The following DCAF10 variants were observed in gnomAD, a reference collection of about 807,000 sequenced individuals.
The protein encoded by DCAF10 is DDB1- and CUL4-associated factor 10.
Under a neutral mutation model 51.9 loss-of-function variants are expected in DCAF10, and 19 were observed. That is an observed-to-expected ratio of 0.37 (90% CI 0.26 to 0.54). The LOEUF (loss-of-function observed/expected upper bound fraction) is 0.54, where lower values mean the gene tolerates loss of function less well. DCAF10 is among the 20% of genes least tolerant of loss of function. The pLI is 0.87. For synonymous variants in DCAF10, 291 were observed against 297.1 expected, an observed-to-expected ratio of 0.98 and a Z score of 0.21; for missense variants, 510 against 730.6, an observed-to-expected ratio of 0.70 and a Z score of 3.48.
chr9:37,823,188 A>G (rs1289878042), intron 2 of DCAF10, among the ~76,000 whole-genome samples: 2 of 152,180 alleles, frequency 1.3e-5, no homozygotes, highest in Admixed American at 6.5e-5. Flanking sequence ...ATATTGGTAG[A>G]AAACTAAATT....
intron 3 of DCAF10, among the ~76,000 whole-genome samples, chr9:37,845,438 C>G (rs1830447039): frequency 6.6e-6 from 1 of 151,896 alleles, no homozygotes; most frequent in African/African-American, 2.4e-5. Context: ...GAGCTTTATC[C>G]CTATATACTT....
At position 37,849,247 on chromosome 9, in the gene DCAF10, A is replaced by G. The variant is rs78636807; in HGVS notation, c.852-5533A>G. On this transcript the variant is annotated intron_variant, in intron 3 of 6. Coordinates refer to ENST00000377724, the MANE Select transcript of DCAF10 (RefSeq NM_024345.5). ...GCGGGGGAGGGTACTAGTTGGTGCA[A>G]TAAAAGAAGGAAGAAAACAATTATA... Among the ~76,000 whole-genome samples, 1,123 of 152,264 alleles carry G rather than the reference A, an allele frequency of 7.4e-3. 18 individuals are homozygous for G. Among genetic ancestry groups the G allele is most frequent in the African/African-American group, 0.026 (1,070 of 41,540 alleles).
At chr9:37,839,048 A>AT (rs374481907) in intron 2 of DCAF10, among the ~76,000 whole-genome samples, 5,755 of 148,232 alleles carry the variant, frequency 0.039, 365 homozygotes, top group African/African-American at 0.13. Context: ...TTGGTGATGG[A>AT]TTTTTTTTTT....
intron 5 of DCAF10, 141 bp from the exon 6 acceptor site, chr9:37,859,907 C>A: frequency 2.0e-6 from 2 of 978,498 alleles, no homozygotes; most frequent in Non-Finnish European, 3.0e-6. Flanking sequence ...GGGAGTACCA[C>A]GCTCTTTAAC....
chr9:37,800,761 G>A, upstream of DCAF10: 2 of 1,531,878 alleles, frequency 1.3e-6, no homozygotes, highest in East Asian at 4.9e-5. Context: ...CGGGTTTCCA[G>A]CCGGTGGGGT....
chr9:37,852,736 C>G lies in DCAF10; in HGVS notation c.852-2044C>G, dbSNP rs150982131. On this transcript the variant is annotated intron_variant, in intron 3 of 6. Coordinates refer to ENST00000377724, the MANE Select transcript of DCAF10 (RefSeq NM_024345.5). ...ACCAGCCTGGCCAACATGGTGAAACCCCGTCTCTACTAAAAATGTGAAAAA... is the reference window on the plus strand; with the variant it reads ...ACCAGCCTGGCCAACATGGTGAAACGCCGTCTCTACTAAAAATGTGAAAAA... Among the ~76,000 whole-genome samples, 670 of 152,044 alleles carry G rather than the reference C, an allele frequency of 4.4e-3. 24 individuals carry two copies. In the South Asian group the frequency reaches 0.071, roughly 16 times the overall value.
At chr9:37,859,057 A>G (rs1473961081) in intron 5 of DCAF10, among the ~76,000 whole-genome samples, 1 of 152,244 alleles carries the variant, frequency 6.6e-6, no homozygotes, top group Non-Finnish European at 1.5e-5. Flanking sequence ...AAATAAGAGT[A>G]TATTTTTCTC....
chr9:37,841,857 T>C (rs543177401), intron 2 of DCAF10, among the ~76,000 whole-genome samples: 1 of 152,322 alleles, frequency 6.6e-6, no homozygotes, highest in Non-Finnish European at 1.5e-5. Context: ...ATCAGTAATT[T>C]AAAGCAAATG....
At chr9:37,828,254 A>G (rs756674819) in intron 2 of DCAF10, among the ~76,000 whole-genome samples, 8 of 152,112 alleles carry the variant, frequency 5.3e-5, no homozygotes, top group Admixed American at 3.9e-4. Flanking sequence ...TCACACTACC[A>G]TATAGTTCAA....
intron 2 of DCAF10, among the ~76,000 whole-genome samples, chr9:37,831,215 TC>T (rs140102548): frequency 0.013 from 1,925 of 148,100 alleles, 41 homozygotes; most frequent in African/African-American, 0.044. Flanking sequence ...AGACTCTGTC[TC>T]AAAAAAAAAG....
At chr9:37,848,394 G>A (rs940136517) in intron 3 of DCAF10, among the ~76,000 whole-genome samples, 1 of 152,128 alleles carries the variant, frequency 6.6e-6, no homozygotes, top group East Asian at 1.9e-4. Flanking sequence ...CAATGAAAAC[G>A]AACAAATAAT....
chr9:37,826,824 T>C, intron 2 of DCAF10, among the ~76,000 whole-genome samples: 1 of 134,444 alleles, frequency 7.4e-6, no homozygotes, highest in South Asian at 2.2e-4. Flanking sequence ...CAATACCTTT[T>C]TTTTTTTTTT....
At chr9:37,830,931 T>G (rs546388321) in intron 2 of DCAF10, among the ~76,000 whole-genome samples, 4 of 152,202 alleles carry the variant, frequency 2.6e-5, no homozygotes, top group African/African-American at 4.8e-5. Flanking sequence ...ATACATAACT[T>G]AAGAGTTTTG....
intron 1 of DCAF10, among the ~76,000 whole-genome samples, chr9:37,817,673 G>A (rs939390766): frequency 6.6e-6 from 1 of 152,076 alleles, no homozygotes; most frequent in Non-Finnish European, 1.5e-5. Flanking sequence ...GGCTGATGTG[G>A]GAGGATCACT....
intron 2 of DCAF10, among the ~76,000 whole-genome samples, chr9:37,820,464 T>A (rs10973568): frequency 0.023 from 3,487 of 152,188 alleles, 127 homozygotes; most frequent in African/African-American, 0.079. Flanking sequence ...CGGGGTTTGG[T>A]TAAAATATCT....
At chr9:37,842,891 G>A (rs1327873453) in intron 3 of DCAF10, among the ~76,000 whole-genome samples, 1 of 152,178 alleles carries the variant, frequency 6.6e-6, no homozygotes, top group Admixed American at 6.5e-5. Flanking sequence ...CCAACAAAAT[G>A]TCTCCTTATA....
chr9:37,807,630 AT>A (rs1486671858), intron 1 of DCAF10, among the ~76,000 whole-genome samples: 1 of 146,410 alleles, frequency 6.8e-6, no homozygotes, highest in Non-Finnish European at 1.5e-5. Flanking sequence ...ATGTTAATTT[AT>A]ATTACCACTG....
At chr9:37,844,883 T>C (rs1394774937) in intron 3 of DCAF10, among the ~76,000 whole-genome samples, 2 of 150,932 alleles carry the variant, frequency 1.3e-5, no homozygotes, top group Non-Finnish European at 3.0e-5. Context: ...ATATTATTAA[T>C]AAGCTTGATG....
intron 1 of DCAF10, among the ~76,000 whole-genome samples, chr9:37,810,514 C>T (rs903876270): frequency 4.0e-5 from 6 of 151,534 alleles, no homozygotes; most frequent in African/African-American, 1.2e-4. Flanking sequence ...CAGGCTGGAG[C>T]GCAATGGCGC....
Sources: allele counts gnomAD v4.1 joint callset (sites outside exome capture counted in the v4.1 genomes callset), GRCh38; gene constraint gnomAD v4.1.1; transcripts MANE v1.5; gene names NCBI Gene and HGNC (gene_info 2026-07-23, HGNC 2026-07-21).